Variants in NEK6 observed in about 807,000 individuals in gnomAD.
The protein encoded by NEK6 is serine/threonine-protein kinase Nek6.
Under a neutral mutation model 43.5 loss-of-function variants are expected in NEK6, and 27 were observed. The observed-to-expected ratio is 0.62, with a 90% CI of 0.46 to 0.86. NEK6 has a LOEUF of 0.86. NEK6 is among the 40% of genes least tolerant of loss of function. NEK6 has a pLI of 0.00. For synonymous variants in NEK6, 167 were observed against 164.1 expected, an observed-to-expected ratio of 1.02 and a Z score of -0.14; for missense variants, 318 against 414.4, an observed-to-expected ratio of 0.77 and a Z score of 2.02.
At chr9:124,276,025 C>A (rs1831636129) in intron 1 of NEK6, among the ~76,000 whole-genome samples, 2 of 152,118 alleles carry the variant, frequency 1.3e-5, no homozygotes, top group Non-Finnish European at 2.9e-5. Flanking sequence ...GGGAGTGGCC[C>A]CCCTGAAGCA....
intron 1 of NEK6, among the ~76,000 whole-genome samples, chr9:124,287,123 G>T (rs890500312): frequency 2.0e-5 from 3 of 152,176 alleles, no homozygotes; most frequent in East Asian, 3.9e-4. Flanking sequence ...GGTCAGGAGC[G>T]TACAGGGTGC....
rs1273197845 is a variant in NEK6 at position 124,326,559 on chromosome 9, C to T, written c.514+121C>T. The T allele has an allele frequency of 8.4e-6, 6 of 711,740 alleles. No individual in the cohort carries two copies. Among genetic ancestry groups the T allele is most frequent in the East Asian group, 2.6e-5 (1 of 37,780 alleles). 44.1% of individuals were successfully genotyped at this position (711,740 alleles called of 1,614,324 possible). A position where few individuals can be genotyped will look rare whatever the true frequency, so the allele number is the denominator to read the frequency against. On this transcript the variant is annotated intron_variant, in intron 6 of 9. Transcript: ENST00000320246. The surrounding 1 kb of genome is among the most constrained non-coding windows in gnomAD (Gnocchi z 4.5). Reference sequence around the variant, plus strand: ...AGGAAGTTGGACCGCTCTGTATTCCCCAGGCAAGGGGGCTGCCCAGCAACC... The same window carrying T: ...AGGAAGTTGGACCGCTCTGTATTCCTCAGGCAAGGGGGCTGCCCAGCAACC...
At chr9:124,278,007 A>G (rs1831717446) in intron 1 of NEK6, among the ~76,000 whole-genome samples, 1 of 152,262 alleles carries the variant, frequency 6.6e-6, no homozygotes, top group South Asian at 2.1e-4. Context: ...ATGCACCATC[A>G]TATAAGGACA....
At chr9:124,299,986 A>C (rs1318850708) in intron 1 of NEK6, 1 of 152,042 alleles carries the variant, frequency 6.6e-6, no homozygotes, top group Non-Finnish European at 1.5e-5. Context: ...CCTGTCATCT[A>C]TTTTGAGAGA....
chr9:124,301,750 A>T (rs2119133961), intron 1 of NEK6, among the ~76,000 whole-genome samples, 186 bp from the exon 2 acceptor site: 4 of 152,280 alleles, frequency 2.6e-5, no homozygotes, highest in Admixed American at 2.6e-4. Context: ...GTCTAACAGA[A>T]GGAGACTGTG....
chr9:124,319,446 T>C (rs116942077), intron 4 of NEK6, among the ~76,000 whole-genome samples: 1 of 152,366 alleles, frequency 6.6e-6, no homozygotes, highest in East Asian at 1.9e-4. Flanking sequence ...ATGCAGAAGC[T>C]CTTTCATTTA....
intron 7 of NEK6, among the ~76,000 whole-genome samples, chr9:124,328,482 CA>C (rs1176656200): frequency 6.6e-6 from 1 of 152,164 alleles, no homozygotes; most frequent in Non-Finnish European, 1.5e-5. Context: ...TGCCCACCAG[CA>C]TCCGCTTCCC....
intron 7 of NEK6, among the ~76,000 whole-genome samples, chr9:124,336,363 G>A (rs1829289726): frequency 1.3e-5 from 2 of 152,200 alleles, no homozygotes; most frequent in Non-Finnish European, 2.9e-5. Context: ...ATGCCAAGCT[G>A]TCTTTTCTTT....
intron 1 of NEK6, among the ~76,000 whole-genome samples, chr9:124,287,423 C>T (rs960969701): frequency 6.6e-6 from 1 of 152,174 alleles, no homozygotes; most frequent in African/African-American, 2.4e-5. Flanking sequence ...CTCCTGAGCC[C>T]CCATCTCCTC....
At chr9:124,287,915 T>G (rs1165921825) in intron 1 of NEK6, among the ~76,000 whole-genome samples, 1 of 152,108 alleles carries the variant, frequency 6.6e-6, no homozygotes, top group Non-Finnish European at 1.5e-5. Context: ...GTCATGTAAA[T>G]ATATAGGGTC....
chr9:124,333,168 T>A (rs1008682182), intron 7 of NEK6, among the ~76,000 whole-genome samples: 1 of 151,870 alleles, frequency 6.6e-6, no homozygotes, highest in Non-Finnish European at 1.5e-5. Context: ...AAGCTGGGGG[T>A]TTCTTTGAAA....
chr9:124,344,581 C>T (rs1829819591), intron 8 of NEK6, among the ~76,000 whole-genome samples: 1 of 152,238 alleles, frequency 6.6e-6, no homozygotes, highest in African/African-American at 2.4e-5. Flanking sequence ...GCAACAATGC[C>T]CGAGCTTGGG....
chr9:124,301,361 G>A (rs534868223), intron 1 of NEK6, among the ~76,000 whole-genome samples: 1 of 152,318 alleles, frequency 6.6e-6, no homozygotes, highest in Admixed American at 6.5e-5. Context: ...CTGTTCCTTT[G>A]CACAGAGGTC....
At chr9:124,342,714 C>G (rs1829706081) in intron 8 of NEK6, among the ~76,000 whole-genome samples, 3 of 152,252 alleles carry the variant, frequency 2.0e-5, no homozygotes, top group Admixed American at 2.0e-4. Context: ...CTCCTTTCCT[C>G]ATGTGTCTTG....
At chr9:124,265,251 C>T (rs971214132) in intron 1 of NEK6, among the ~76,000 whole-genome samples, 1 of 152,160 alleles carries the variant, frequency 6.6e-6, no homozygotes, top group African/African-American at 2.4e-5. Context: ...TGGCCAGGCA[C>T]GGTGGCTCAC....
At chr9:124,266,472 G>A (rs1018395746) in intron 1 of NEK6, among the ~76,000 whole-genome samples, 1 of 152,190 alleles carries the variant, frequency 6.6e-6, no homozygotes, top group African/African-American at 2.4e-5. Flanking sequence ...ACCAGGATGT[G>A]CCCTCAGGAA....
At chr9:124,273,564 C>G (rs1481286891) in intron 1 of NEK6, among the ~76,000 whole-genome samples, 1 of 152,196 alleles carries the variant, frequency 6.6e-6, no homozygotes, top group Admixed American at 6.5e-5. Flanking sequence ...TTTATAGCAT[C>G]TGGAACAGGC....
chr9:124,281,916 C>T (rs1831931403), intron 1 of NEK6, among the ~76,000 whole-genome samples: 1 of 152,160 alleles, frequency 6.6e-6, no homozygotes, highest in South Asian at 2.1e-4. Context: ...AGGCCTGTGA[C>T]ACCTCCAGGC....
At chr9:124,292,451 A>C in intron 1 of NEK6, 1 of 1,536,822 alleles carries the variant, frequency 6.5e-7, no homozygotes, top group Non-Finnish European at 8.7e-7. Context: ...TGTGGGAAGG[A>C]GAGAAAATTA....
Sources: allele counts gnomAD v4.1 joint callset (sites outside exome capture counted in the v4.1 genomes callset), GRCh38; gene constraint gnomAD v4.1.1; non-coding constraint Gnocchi (gnomAD v3.1); transcripts MANE v1.5; gene names NCBI Gene and HGNC (gene_info 2026-07-23, HGNC 2026-07-21).